Variants in CAMK1D observed in about 807,000 individuals in gnomAD.
CAMK1D encodes calcium/calmodulin-dependent protein kinase type 1D.
A neutral mutation model predicts 47.7 loss-of-function variants in CAMK1D; 9 were observed. That is an observed-to-expected ratio of 0.19 (90% CI 0.11 to 0.33). CAMK1D has a LOEUF of 0.33. Among genes scored for constraint, CAMK1D ranks in the 10% least tolerant of loss-of-function variants. CAMK1D has a pLI of 1.00. For missense variants in CAMK1D, 291 were observed against 488.7 expected, an observed-to-expected ratio of 0.60 and a Z score of 3.81; for synonymous variants, 184 against 184.9, an observed-to-expected ratio of 0.99 and a Z score of 0.04.
intron 1 of CAMK1D, among the ~76,000 whole-genome samples, chr10:12,373,858 G>T (rs11257746): frequency 0.34 from 50,291 of 149,784 alleles, 8,466 homozygotes; most frequent in Middle Eastern, 0.4. Context: ...GCGGATCACT[G>T]GAGGTCAGGA....
chr10:12,683,329 G>C (rs934943691), intron 3 of CAMK1D, among the ~76,000 whole-genome samples: 1 of 151,948 alleles, frequency 6.6e-6, no homozygotes, highest in Non-Finnish European at 1.5e-5. Flanking sequence ...TAGGTGATTC[G>C]CCCTCCTTGG....
At chr10:12,716,270 A>T (rs1473478446) in intron 3 of CAMK1D, among the ~76,000 whole-genome samples, 1 of 152,122 alleles carries the variant, frequency 6.6e-6, no homozygotes, top group Non-Finnish European at 1.5e-5. Flanking sequence ...TGTGTATTGT[A>T]GGATGTTTAT....
chr10:12,394,840 A>T (rs1241434035), intron 1 of CAMK1D, among the ~76,000 whole-genome samples: 1 of 152,092 alleles, frequency 6.6e-6, no homozygotes, highest in Non-Finnish European at 1.5e-5. Context: ...GCCTTGGAAA[A>T]TGACCTCAGA....
intron 4 of CAMK1D, among the ~76,000 whole-genome samples, chr10:12,768,575 G>A (rs1836887683): frequency 6.6e-6 from 1 of 152,100 alleles, no homozygotes; most frequent in Non-Finnish European, 1.5e-5. Flanking sequence ...CATTCACTGG[G>A]TGAGGATTAT....
intron 1 of CAMK1D, among the ~76,000 whole-genome samples, chr10:12,499,438 A>C (rs1834635720): frequency 6.6e-6 from 1 of 152,176 alleles, no homozygotes; most frequent in African/African-American, 2.4e-5. Flanking sequence ...AAAAAAAATC[A>C]AATGAAAAAA....
At chr10:12,678,861 C>T (rs776609673) in intron 3 of CAMK1D, among the ~76,000 whole-genome samples, 5 of 152,092 alleles carry the variant, frequency 3.3e-5, no homozygotes, top group African/African-American at 7.2e-5. Context: ...CTCCCAGGTT[C>T]GAGTGATTCT....
At position 12,817,056 on chromosome 10, in the gene CAMK1D, G is replaced by A. The variant is rs114948578; in HGVS notation, c.833+728G>A. ...GCAAAAAGAGAGAGCTTGTGCAGGG[G>A]AACACTCCTCTACAAAATCATCAGA... On this transcript the variant is annotated intron_variant, in intron 8 of 10. Coordinates refer to ENST00000619168, the MANE Select transcript of CAMK1D (RefSeq NM_153498.4). Among the ~76,000 whole-genome samples the A allele has an allele frequency of 2.6e-3, 399 of 152,138 alleles. 2 individuals are homozygous for A. The highest frequency in any genetic ancestry group is 9.0e-3 in the African/African-American group (372 of 41,496).
chr10:12,649,585 C>T (rs918298538), intron 2 of CAMK1D, among the ~76,000 whole-genome samples: 1 of 152,098 alleles, frequency 6.6e-6, no homozygotes, highest in Non-Finnish European at 1.5e-5. Context: ...TATAGGAATA[C>T]GCCAAAGAAA....
intron 4 of CAMK1D, among the ~76,000 whole-genome samples, chr10:12,768,404 A>C (rs1258939432): frequency 1.3e-5 from 2 of 152,200 alleles, no homozygotes; most frequent in Non-Finnish European, 1.5e-5. Context: ...CTGAAACCCA[A>C]GGTTCACCAC....
Position 12,671,683 on chromosome 10 carries a change from AAAATT to A in CAMK1D, c.299+4876_299+4880del, listed in dbSNP as rs533842823. Reference sequence around the variant, plus strand: ...TATATTAAAATCCTTTATCCTTTGTAAAATTAATTTGTCTTTTATTGTTGTAAGAC... The same window carrying A: ...TATATTAAAATCCTTTATCCTTTGTAAATTTGTCTTTTATTGTTGTAAGAC... On this transcript the variant is annotated intron_variant, in intron 3 of 10. Transcript: ENST00000619168. 2.1e-3 allele frequency among the ~76,000 whole-genome samples: 314 copies of A among 151,936 alleles called. 1 individual carries two copies. The Middle Eastern group carries it at 0.034, about 16-fold the overall frequency.
intron 3 of CAMK1D, among the ~76,000 whole-genome samples, chr10:12,744,290 A>G (rs1272337311): frequency 6.6e-6 from 1 of 151,912 alleles, no homozygotes; most frequent in Non-Finnish European, 1.5e-5. Flanking sequence ...TCTGCTGTGA[A>G]CACTGATTTT....
chr10:12,831,851 G>A lies in CAMK1D; in HGVS notation c.*2964G>A, dbSNP rs1374656822. 6.6e-6 allele frequency: 1 copy of A among 152,182 alleles called. No individual in the cohort carries two copies. The highest frequency in any genetic ancestry group is 1.9e-4 in the East Asian group (1 of 5,196). 9.4% of individuals were successfully genotyped at this position (152,182 alleles called of 1,614,324 possible). A position where few individuals can be genotyped will look rare whatever the true frequency, so the allele number is the denominator to read the frequency against. ...AAGAGGTTGTCTTTGCACTGCGCTT[G>A]GTATGATTTGTTTTCTTATAAAACA... On this transcript the variant is annotated 3_prime_UTR_variant, in exon 11 of 11. Coordinates refer to ENST00000619168, the MANE Select transcript of CAMK1D (RefSeq NM_153498.4).
At chr10:12,778,328 A>T (rs1012513621) in intron 5 of CAMK1D, among the ~76,000 whole-genome samples, 4 of 152,202 alleles carry the variant, frequency 2.6e-5, no homozygotes, top group Admixed American at 2.0e-4. Context: ...AGAGGACTAT[A>T]AGCACTTGGA....
At chr10:12,726,068 T>C (rs1449597109) in intron 3 of CAMK1D, among the ~76,000 whole-genome samples, 1 of 151,902 alleles carries the variant, frequency 6.6e-6, no homozygotes, top group Admixed American at 6.6e-5. Flanking sequence ...GGTTTTCTAG[T>C]ATATAGACTA....
At chr10:12,822,542 C>T (rs1015968837) in intron 8 of CAMK1D, among the ~76,000 whole-genome samples, 3 of 152,236 alleles carry the variant, frequency 2.0e-5, no homozygotes, top group Non-Finnish European at 4.4e-5. Context: ...AGGTGGACCC[C>T]GAGGCCCAGA....
intron 1 of CAMK1D, among the ~76,000 whole-genome samples, chr10:12,491,174 C>A (rs570207271): frequency 7.2e-6 from 1 of 139,832 alleles, no homozygotes; most frequent in African/African-American, 2.6e-5. Context: ...TGTGTGTCTG[C>A]GTGCATGTGT....
At position 12,386,325 on chromosome 10, in the gene CAMK1D, G is replaced by A. The variant is rs570957578; in HGVS notation, c.92+36415G>A. 4.6e-5 allele frequency among the ~76,000 whole-genome samples: 7 copies of A among 152,184 alleles called. No individual in the cohort carries two copies. In the South Asian group the frequency reaches 1.5e-3, roughly 32 times the overall value. ...ATGGTGGTGTGTGCCTATGGTCCCA[G>A]CTACTCTGGAGACCAATAGGAGGAT... is the stretch of plus-strand genomic sequence containing the variant. On this transcript the variant is annotated intron_variant, in intron 1 of 10. Coordinates refer to ENST00000619168, the MANE Select transcript of CAMK1D (RefSeq NM_153498.4).
At chr10:12,523,493 G>A (rs982681218) in intron 1 of CAMK1D, among the ~76,000 whole-genome samples, 1 of 152,068 alleles carries the variant, frequency 6.6e-6, no homozygotes, top group African/African-American at 2.4e-5. Flanking sequence ...CTGCAATCCC[G>A]GCACCTCGGG....
At chr10:12,541,850 C>CCTTCCTT (rs1554785261) in intron 1 of CAMK1D, among the ~76,000 whole-genome samples, 1 of 118,312 alleles carries the variant, frequency 8.5e-6, no homozygotes, top group Non-Finnish European at 1.8e-5. Flanking sequence ...TATCTTCCTT[C>CCTTCCTT]CTTCCTTCCT....
Sources: allele counts gnomAD v4.1 joint callset (sites outside exome capture counted in the v4.1 genomes callset), GRCh38; gene constraint gnomAD v4.1.1; transcripts MANE v1.5; gene names NCBI Gene and HGNC (gene_info 2026-07-23, HGNC 2026-07-21).